Variants in BAZ1A observed in about 807,000 individuals in gnomAD.
BAZ1A encodes the protein bromodomain adjacent to zinc finger domain 1A.
A neutral mutation model predicts 185.2 loss-of-function variants in BAZ1A; 50 were observed. That is an observed-to-expected ratio of 0.27 (90% CI 0.22 to 0.34). The LOEUF (loss-of-function observed/expected upper bound fraction) is 0.34, where lower values mean the gene tolerates loss of function less well. BAZ1A is among the 10% of genes least tolerant of loss of function. The probability of loss-of-function intolerance (pLI) is 1.00; values close to 1 mark genes in which losing one functional copy is unlikely to be tolerated. For missense variants in BAZ1A, 1,356 were observed against 1,839.9 expected, an observed-to-expected ratio of 0.74 and a Z score of 4.81; for synonymous variants, 571 against 615.6, an observed-to-expected ratio of 0.93 and a Z score of 1.07.
In BAZ1A at chr14:34,754,847, T is replaced by C. The variant is rs1886173623; in HGVS notation, c.4454A>G (p.Lys1485Arg). The C allele has an allele frequency of 3.1e-6, 5 of 1,599,342 alleles. No homozygotes were observed. The highest frequency in any genetic ancestry group is 4.3e-6 in the Non-Finnish European group (5 of 1,171,046). Residue 1485 changes from lysine (K) to arginine (R), a missense_variant, in exon 26 of 27, where the codon AAG becomes AGG. Coordinates refer to ENST00000360310, the MANE Select transcript of BAZ1A (RefSeq NM_013448.3). ...CTTACATGCTAATTTATATTCACAC[T>C]TATTCACTTTTTCACGAATTATATT... The part of the protein sequence containing the change: ...ALNIIREKVN[K>R]CEYKLASEFI...
At position 34,754,744 on chromosome 14, in the gene BAZ1A, CTT is replaced by C. The variant is rs985626476; in HGVS notation, c.4474+81_4474+82del. 40 of 985,326 alleles carry C rather than the reference CTT, an allele frequency of 4.1e-5. No homozygotes were observed. The African/African-American group carries it at 6.6e-4, about 16-fold the overall frequency. The allele number at this position is 985,326 out of a possible 1,614,324, so 61.0% of individuals were successfully genotyped here. ...AGTAACAGAAAAACAGCCTCTACCT[CTT>C]TAAACAAAAATAAATATCAAAGATG... On this transcript the variant is annotated intron_variant, in intron 26 of 26. Transcript: ENST00000360310.
intron 17 of BAZ1A, 71 bp downstream of exon 17, chr14:34,780,115 C>A: frequency 6.4e-7 from 1 of 1,564,044 alleles, no homozygotes; most frequent in Non-Finnish European, 8.7e-7. Flanking sequence ...TTCAGAGGAG[C>A]TGAATTAATA....
intron 4 of BAZ1A, among the ~76,000 whole-genome samples, chr14:34,819,822 T>C (rs1283551653): frequency 6.6e-6 from 1 of 152,188 alleles, no homozygotes; most frequent in East Asian, 1.9e-4. Context: ...TATAAAAGTA[T>C]GTTTGGTACT....
intron 8 of BAZ1A, among the ~76,000 whole-genome samples, chr14:34,800,628 C>G (rs923369150): frequency 2.0e-5 from 3 of 152,136 alleles, no homozygotes; most frequent in African/African-American, 7.2e-5. Context: ...CCCTAATACC[C>G]AAAGTGTGAT....
chr14:34,761,846 C>G lies in BAZ1A; in HGVS notation c.4154G>C (p.Ser1385Thr). ...PNFRVIATKS[S>T]EQSRSVNIAS... is the part of the protein sequence containing the mutation. ...AATATTTACAGATCTTGACTGTTCA[C>G]TTGACTTTGTGGCAATGACTCTGAA... Residue 1385 changes from serine (S) to threonine (T), a missense_variant, in exon 24 of 27, where the codon AGT becomes ACT. By Grantham distance (58) the Ser-to-Thr change is moderately conservative. Around this residue, in one of 7 missense-constraint regions of BAZ1A, gnomAD observed 309 missense variants for 355.3 expected, o/e 0.87. Transcript: ENST00000360310. 1 of 1,614,170 alleles carries G rather than the reference C, an allele frequency of 6.2e-7. No individual in the cohort carries two copies.
At chr14:34,834,869 A>G (rs1421579642) in intron 3 of BAZ1A, among the ~76,000 whole-genome samples, 2 of 152,242 alleles carry the variant, frequency 1.3e-5, no homozygotes, top group Non-Finnish European at 2.9e-5. Context: ...CTTCAAGAGC[A>G]TAGAAACTAT....
At chr14:34,834,755 C>T (rs930515263) in intron 3 of BAZ1A, among the ~76,000 whole-genome samples, 3 of 152,134 alleles carry the variant, frequency 2.0e-5, no homozygotes, top group African/African-American at 7.2e-5. Flanking sequence ...CTATGTCTTT[C>T]ACAGCTACTT....
In BAZ1A at chr14:34,874,646, G is replaced by GCGGGCT. The variant is rs1453274687; in HGVS notation, c.-43_-42insAGCCCG. On this transcript the variant is annotated 5_prime_UTR_variant, in exon 2 of 27. Coordinates refer to ENST00000360310, the MANE Select transcript of BAZ1A (RefSeq NM_013448.3). This position sits in a 1 kb window ranked among gnomAD's most constrained non-coding sequence, Gnocchi z 4.7. ...GGCTCGCCTGGACCCTCGGCCGCCC[G>GCGGGCT]CGCCGGCCCCGCTTCCCTATCAAAA... 1 of 1,510,404 alleles carries GCGGGCT rather than the reference G, an allele frequency of 6.6e-7. No individual in the cohort carries two copies. Among genetic ancestry groups the GCGGGCT allele is most frequent in the Non-Finnish European group, 9.0e-7 (1 of 1,106,236 alleles). 93.6% of individuals were successfully genotyped at this position (1,510,404 alleles called of 1,614,324 possible).
chr14:34,802,162 T>C (rs1410991759), intron 7 of BAZ1A, among the ~76,000 whole-genome samples: 2 of 152,096 alleles, frequency 1.3e-5, no homozygotes, highest in Non-Finnish European at 2.9e-5. Flanking sequence ...CAATGTCAAA[T>C]TTTATTTTTA....
intron 4 of BAZ1A, among the ~76,000 whole-genome samples, chr14:34,825,452 A>AAG (rs1220370519): frequency 9.6e-6 from 1 of 104,328 alleles, no homozygotes; most frequent in Non-Finnish European, 2.0e-5. Context: ...TGTCTCAAAA[A>AAG]AAAAAAAAAA....
intron 6 of BAZ1A, among the ~76,000 whole-genome samples, chr14:34,804,257 C>G (rs960383773): frequency 6.6e-6 from 1 of 152,216 alleles, no homozygotes; most frequent in African/African-American, 2.4e-5. Context: ...ATCTGCCCGC[C>G]TTGGCCTCCC....
chr14:34,788,032 T>G (rs969905044), intron 12 of BAZ1A, among the ~76,000 whole-genome samples: 1 of 152,048 alleles, frequency 6.6e-6, no homozygotes, highest in African/African-American at 2.4e-5. Context: ...TGTTTTTTTT[T>G]TTTGAAGATG....
intron 7 of BAZ1A, 52 bp downstream of exon 7, chr14:34,802,802 A>T: frequency 1.3e-6 from 2 of 1,547,004 alleles, no homozygotes; most frequent in South Asian, 1.2e-5. Flanking sequence ...CTTGATTCTG[A>T]ATACTGTTTT....
chr14:34,865,119 G>A (rs1399603370), intron 2 of BAZ1A, among the ~76,000 whole-genome samples: 1 of 152,030 alleles, frequency 6.6e-6, no homozygotes, highest in Non-Finnish European at 1.5e-5. Context: ...GTGGTAGCAT[G>A]AGCCTGTAAT....
At chr14:34,843,066 A>G (rs60007157) in intron 3 of BAZ1A, among the ~76,000 whole-genome samples, 44,743 of 151,626 alleles carry the variant, frequency 0.3, 6,877 homozygotes, top group Admixed American at 0.39. Flanking sequence ...CTAAAATGAC[A>G]TACAGCAAGT....
rs1566569853 is a variant in BAZ1A, at chr14:34,801,202, C to G, written c.862-9G>C. ...TTAGCAACATTGTCCTCCTAAAAAACAAACCAAAATAGTATGCCTGGTTCT... is the reference window on the plus strand; with the variant it reads ...TTAGCAACATTGTCCTCCTAAAAAAGAAACCAAAATAGTATGCCTGGTTCT... On this transcript the variant is annotated splice_polypyrimidine_tract_variant and intron_variant, in intron 7 of 26. Coordinates refer to ENST00000360310, the MANE Select transcript of BAZ1A (RefSeq NM_013448.3). 6.3e-7 allele frequency: 1 copy of G among 1,584,892 alleles called. No individual in the cohort carries two copies. The highest frequency in any genetic ancestry group is 8.6e-7 in the Non-Finnish European group (1 of 1,161,528).
intron 6 of BAZ1A, among the ~76,000 whole-genome samples, chr14:34,804,828 A>C (rs1283393591): frequency 6.6e-6 from 1 of 152,112 alleles, no homozygotes; most frequent in Non-Finnish European, 1.5e-5. Flanking sequence ...AATACACAAA[A>C]CCCACATCTT....
chr14:34,861,946 T>G, intron 3 of BAZ1A, 98 bp downstream of exon 3: 1 of 1,372,072 alleles, frequency 7.3e-7, no homozygotes, highest in Middle Eastern at 2.5e-4. Flanking sequence ...TAGAGCATAG[T>G]AAAAGGGAAG....
chr14:34,774,292 G>A, intron 19 of BAZ1A, 35 bp downstream of exon 19: 2 of 1,579,088 alleles, frequency 1.3e-6, no homozygotes, highest in Non-Finnish European at 1.7e-6. Flanking sequence ...GGACCAAGTA[G>A]ATTAGACAAA....
Sources: gnomAD v4.1 joint callset for allele counts (sites outside exome capture counted in the v4.1 genomes callset) on GRCh38, gnomAD v4.1.1 for gene constraint, gnomAD v4.1.1 regional missense constraint, Gnocchi (gnomAD v3.1) non-coding constraint, MANE v1.5 for transcripts, NCBI Gene and HGNC (gene_info 2026-07-23, HGNC 2026-07-21) for gene names.